RNF121: variants seen among roughly 807,000 people sequenced by gnomAD.
RNF121 encodes the protein E3 ubiquitin ligase RNF121.
In RNF121, 21 loss-of-function variants were observed where a neutral mutation model predicts 46.5. That is an observed-to-expected ratio of 0.45 (90% CI 0.32 to 0.65). The LOEUF is 0.65. Ranked by LOEUF, RNF121 falls within the 30% of genes least tolerant of loss-of-function variation. The probability of loss-of-function intolerance (pLI) is 0.04; values close to 1 mark genes in which losing one functional copy is unlikely to be tolerated. For missense variants in RNF121, 346 were observed against 416.0 expected (o/e 0.83, Z 1.46); for synonymous variants, 139 against 144.7 (o/e 0.96, Z 0.28).
At chr11:71,931,249 A>G (rs553217480) in intron 1 of RNF121, among the ~76,000 whole-genome samples, 1 of 152,352 alleles carries the variant, frequency 6.6e-6, no homozygotes, top group Admixed American at 6.5e-5. Context: ...AGTATCATGC[A>G]TAGGAGTTAA....
chr11:71,953,948 T>A (rs1953935518), intron 1 of RNF121, among the ~76,000 whole-genome samples: 1 of 152,248 alleles, frequency 6.6e-6, no homozygotes. Flanking sequence ...CTAGCATTTA[T>A]TTTTGGTTTA....
At chr11:71,972,119 A>G (rs1954433349) in intron 3 of RNF121, among the ~76,000 whole-genome samples, 1 of 152,194 alleles carries the variant, frequency 6.6e-6, no homozygotes, top group African/African-American at 2.4e-5. Flanking sequence ...TGGAAAAACT[A>G]AGAAACAGAA....
intron 1 of RNF121, among the ~76,000 whole-genome samples, chr11:71,955,817 C>T (rs1953978176): frequency 6.6e-6 from 1 of 152,202 alleles, no homozygotes; most frequent in East Asian, 1.9e-4. Context: ...CCCATGTGTC[C>T]CCTCAGAGTA....
intron 1 of RNF121, among the ~76,000 whole-genome samples, chr11:71,949,146 G>A (rs1953800869): frequency 6.6e-6 from 1 of 152,214 alleles, no homozygotes; most frequent in South Asian, 2.1e-4. Flanking sequence ...GGCTGGGCAT[G>A]GTGGTTCACG....
intron 1 of RNF121, chr11:71,939,014 C>G (rs886301066): frequency 2.0e-5 from 3 of 152,972 alleles, no homozygotes; most frequent in African/African-American, 7.2e-5. Flanking sequence ...AAGCGATTCT[C>G]CCACCTCAGC....
chr11:71,943,679 G>A (rs1953643350), intron 1 of RNF121, among the ~76,000 whole-genome samples: 1 of 152,184 alleles, frequency 6.6e-6, no homozygotes, highest in South Asian at 2.1e-4. Flanking sequence ...ATATGAAGAA[G>A]CAGAGATTTC....
chr11:71,994,698 C>T, intron 6 of RNF121, 21 bp from the exon 7 acceptor site: 3 of 1,613,840 alleles, frequency 1.9e-6, no homozygotes, highest in South Asian at 2.2e-5. Flanking sequence ...CCTATCTTTC[C>T]TTCCTGCTAT....
intron 1 of RNF121, among the ~76,000 whole-genome samples, chr11:71,946,106 G>A (rs1455485470): frequency 1.3e-5 from 2 of 150,678 alleles, no homozygotes; most frequent in African/African-American, 4.9e-5. Context: ...GTAAGACTCT[G>A]CCTTAAAAAA....
chr11:71,946,954 G>A (rs1184568919), intron 1 of RNF121, among the ~76,000 whole-genome samples: 3 of 137,528 alleles, frequency 2.2e-5, no homozygotes, highest in South Asian at 4.7e-4. Flanking sequence ...TGCAACCTCC[G>A]CTTCCTGGGT....
intron 1 of RNF121, among the ~76,000 whole-genome samples, chr11:71,948,472 G>A (rs1035290600): frequency 8.2e-6 from 1 of 121,522 alleles, no homozygotes; most frequent in African/African-American, 3.1e-5. Context: ...CTGAGATTGC[G>A]CCACTGCACT....
At chr11:71,988,552 C>G (rs1954809514) in intron 5 of RNF121, among the ~76,000 whole-genome samples, 2 of 151,580 alleles carry the variant, frequency 1.3e-5, no homozygotes, top group African/African-American at 4.9e-5. Context: ...ACTTGTAATC[C>G]CAGCTATTTG....
intron 1 of RNF121, 149 bp downstream of exon 1, chr11:71,929,273 C>T (rs1953201972): frequency 2.3e-6 from 3 of 1,326,476 alleles, no homozygotes; most frequent in Admixed American, 5.8e-5. Flanking sequence ...AGAGCGAAGT[C>T]AGAGGCACTC....
chr11:71,981,036 C>T (rs183931561), intron 3 of RNF121, among the ~76,000 whole-genome samples: 27 of 151,988 alleles, frequency 1.8e-4, no homozygotes, highest in African/African-American at 6.3e-4. Flanking sequence ...TCTAGAAATC[C>T]CTAAGAGTAA....
chr11:71,970,131 A>T (rs1157534186), intron 3 of RNF121, among the ~76,000 whole-genome samples: 1 of 152,212 alleles, frequency 6.6e-6, no homozygotes, highest in Admixed American at 6.5e-5. Flanking sequence ...CCAGTCACAA[A>T]GAGACCAATA....
At chr11:71,929,915 G>A (rs1471085093) in intron 1 of RNF121, among the ~76,000 whole-genome samples, 1 of 152,172 alleles carries the variant, frequency 6.6e-6, no homozygotes, top group African/African-American at 2.4e-5. Flanking sequence ...GCTTCCCGGA[G>A]TTGCTGAGTT....
At chr11:71,966,976 A>G (rs915437941) in intron 3 of RNF121, among the ~76,000 whole-genome samples, 2 of 147,566 alleles carry the variant, frequency 1.4e-5, no homozygotes, top group Non-Finnish European at 3.0e-5. Flanking sequence ...GGTTCACGCC[A>G]TTCTCCTGCC....
At position 71,991,191 on chromosome 11, in the gene RNF121, AC is replaced by A. The variant is rs372505806; in HGVS notation, c.627+476del. On this transcript the variant is annotated intron_variant, in intron 6 of 8. Transcript: ENST00000361756. ...ATCACGCAGTATGCCCATGTAACAA[AC>A]CTGCACATGTACCCTCTGAATCTAA... Among the ~76,000 whole-genome samples the A allele has an allele frequency of 9.5e-4, 144 of 152,016 alleles. 3 individuals are homozygous for A. The South Asian group carries it at 0.028, about 30-fold the overall frequency.
intron 1 of RNF121, among the ~76,000 whole-genome samples, chr11:71,930,927 G>A (rs1379430142): frequency 6.6e-6 from 1 of 152,118 alleles, no homozygotes; most frequent in Admixed American, 6.5e-5. Context: ...CTGCCTTCTG[G>A]GTTCAAACAA....
intron 1 of RNF121, among the ~76,000 whole-genome samples, chr11:71,937,945 C>T (rs1202218841): frequency 2.0e-5 from 3 of 152,186 alleles, no homozygotes; most frequent in Non-Finnish European, 4.4e-5. Flanking sequence ...AAAATAAACT[C>T]ATAAGTTCCC....
Sources: gnomAD v4.1 joint callset for allele counts (sites outside exome capture counted in the v4.1 genomes callset) on GRCh38, gnomAD v4.1.1 for gene constraint, MANE v1.5 for transcripts, NCBI Gene and HGNC (gene_info 2026-07-23, HGNC 2026-07-21) for gene names.